Variants in PXYLP1 observed in about 807,000 individuals in gnomAD.
The protein encoded by PXYLP1 is 2-phosphoxylose phosphatase 1, also known as acid phosphatase-like 2.
A neutral mutation model predicts 37.9 loss-of-function variants in PXYLP1; 17 were observed. That is an observed-to-expected ratio of 0.45 (90% CI 0.31 to 0.67). PXYLP1 has a LOEUF of 0.67. Ranked by LOEUF, PXYLP1 falls within the 30% of genes least tolerant of loss-of-function variation. The pLI, the probability that PXYLP1 is intolerant of heterozygous loss-of-function variation, is 0.07. For missense variants in PXYLP1, 511 were observed against 612.0 expected (o/e 0.84, Z 1.74); for synonymous variants, 221 against 232.2 (o/e 0.95, Z 0.44).
intron 2 of PXYLP1, among the ~76,000 whole-genome samples, chr3:141,263,697 T>C (rs1003384078): frequency 2.0e-5 from 3 of 152,208 alleles, no homozygotes; most frequent in African/African-American, 7.2e-5. Flanking sequence ...CAAAATGGTG[T>C]TGTGACAGGA....
Position 141,261,122 on chromosome 3 carries a change from C to A in PXYLP1, c.79+868C>A, listed in dbSNP as rs149201927. Among the ~76,000 whole-genome samples the A allele has an allele frequency of 3.3e-5, 5 of 152,330 alleles. No homozygotes were observed. The East Asian group carries it at 7.7e-4, about 24-fold the overall frequency. ...GGATGCCCTGAATCCTTGAACCTGTCTCCCTCCCTCCTTCCCTTCCTTCCT... is the reference window on the plus strand; with the variant it reads ...GGATGCCCTGAATCCTTGAACCTGTATCCCTCCCTCCTTCCCTTCCTTCCT... On this transcript the variant is annotated intron_variant, in intron 2 of 5. Coordinates refer to ENST00000286353, the MANE Select transcript of PXYLP1 (RefSeq NM_001037172.3).
At chr3:141,273,519 GGTGGGGAGGGAGCCTGC>G in intron 2 of PXYLP1, 1 of 985,498 alleles carries the variant, frequency 1.0e-6, no homozygotes, top group South Asian at 4.7e-5. Flanking sequence ...GGGGAAGGGT[GGTGGGGAGGGAGCCTGC>G]GTGGGATAGC....
At chr3:141,234,080 T>C (rs1225153692) in intron 1 of PXYLP1, 1 of 152,178 alleles carries the variant, frequency 6.6e-6, no homozygotes, top group Non-Finnish European at 1.5e-5. Context: ...CCCCGGTGAA[T>C]TAGTCTGAGT....
intron 4 of PXYLP1, among the ~76,000 whole-genome samples, chr3:141,286,928 C>T (rs1301407156): frequency 6.6e-6 from 1 of 152,180 alleles, no homozygotes; most frequent in Non-Finnish European, 1.5e-5. Context: ...GGGGAGCAGA[C>T]AGCATGTGCA....
At chr3:141,242,582 G>T (rs1273835492) in intron 1 of PXYLP1, among the ~76,000 whole-genome samples, 1 of 152,214 alleles carries the variant, frequency 6.6e-6, no homozygotes, top group African/African-American at 2.4e-5. Context: ...ACAGTGCTGG[G>T]GGGTGGGGTA....
At chr3:141,249,046 A>G (rs1408241659) in intron 1 of PXYLP1, among the ~76,000 whole-genome samples, 1 of 151,716 alleles carries the variant, frequency 6.6e-6, no homozygotes, top group African/African-American at 2.4e-5. Flanking sequence ...ACACTTGGCC[A>G]CCTCCATGGG....
chr3:141,294,007 A>C lies in PXYLP1; in HGVS notation c.*802A>C, dbSNP rs1942295021. On this transcript the variant is annotated 3_prime_UTR_variant, in exon 6 of 6. Transcript: ENST00000286353. ...ACTAGAACAAAACTTGAGGGTAAAT[A>C]AACATTGAATTAGAATGAATCATAG... 6.6e-6 allele frequency: 1 copy of C among 152,256 alleles called. No individual in the cohort carries two copies. The highest frequency in any genetic ancestry group is 2.1e-4 in the South Asian group (1 of 4,834). 9.4% of individuals were successfully genotyped at this position (152,256 alleles called of 1,614,324 possible). A position where few individuals can be genotyped will look rare whatever the true frequency, so the allele number is the denominator to read the frequency against.
chr3:141,265,684 C>T (rs1330116425), intron 2 of PXYLP1, among the ~76,000 whole-genome samples: 1 of 152,156 alleles, frequency 6.6e-6, no homozygotes, highest in African/African-American at 2.4e-5. Context: ...TACCATGGCA[C>T]CCAGGAGTCT....
intron 5 of PXYLP1, 112 bp downstream of exon 5, chr3:141,287,565 G>C: frequency 7.7e-7 from 1 of 1,293,692 alleles, no homozygotes; most frequent in Non-Finnish European, 1.0e-6. Flanking sequence ...GGGTAAGCAA[G>C]GACTGGCTCT....
At chr3:141,250,071 C>A (rs1941107762) in intron 1 of PXYLP1, among the ~76,000 whole-genome samples, 1 of 152,138 alleles carries the variant, frequency 6.6e-6, no homozygotes, top group Middle Eastern at 3.2e-3. Flanking sequence ...GATTATCAGC[C>A]TCAAATCCTT....
chr3:141,238,469 T>C (rs1940711553), intron 1 of PXYLP1, among the ~76,000 whole-genome samples: 2 of 152,352 alleles, frequency 1.3e-5, no homozygotes, highest in Admixed American at 6.5e-5. Flanking sequence ...TGAGCGTGAT[T>C]AGCCCAGCTT....
intron 2 of PXYLP1, among the ~76,000 whole-genome samples, chr3:141,277,056 T>G (rs11921252): frequency 0.29 from 44,587 of 152,006 alleles, 8,556 homozygotes; most frequent in African/African-American, 0.55. Context: ...AGGTGTAGGG[T>G]CTCTTATGGA....
At chr3:141,263,385 G>C (rs1199317189) in intron 2 of PXYLP1, among the ~76,000 whole-genome samples, 1 of 152,164 alleles carries the variant, frequency 6.6e-6, no homozygotes, top group East Asian at 1.9e-4. Context: ...AGTCTTTAAT[G>C]TTTTGTGTTT....
At chr3:141,279,607 G>T (rs1159899681) in intron 4 of PXYLP1, 103 bp downstream of exon 4, 5 of 1,460,480 alleles carry the variant, frequency 3.4e-6, no homozygotes, top group Non-Finnish European at 4.7e-6. Context: ...GTTTGCAGGA[G>T]CCTGAGCTCA....
At chr3:141,276,581 T>C (rs1941801228) in intron 2 of PXYLP1, among the ~76,000 whole-genome samples, 1 of 152,262 alleles carries the variant, frequency 6.6e-6, no homozygotes, top group African/African-American at 2.4e-5. Flanking sequence ...ATTTCCCTTT[T>C]TTGTTATTAC....
chr3:141,263,484 T>TA (rs1941439618), intron 2 of PXYLP1, among the ~76,000 whole-genome samples: 1 of 152,216 alleles, frequency 6.6e-6, no homozygotes, highest in South Asian at 2.1e-4. Context: ...GTAGTTAAAA[T>TA]ACATACAAGT....
intron 4 of PXYLP1, among the ~76,000 whole-genome samples, chr3:141,284,450 A>C (rs1203616623): frequency 6.6e-6 from 1 of 152,204 alleles, no homozygotes; most frequent in Non-Finnish European, 1.5e-5. Flanking sequence ...AATAGGATCT[A>C]ACCAAGTTCT....
At chr3:141,253,136 T>A (rs556373878) in intron 1 of PXYLP1, among the ~76,000 whole-genome samples, 5 of 152,310 alleles carry the variant, frequency 3.3e-5, no homozygotes, top group Non-Finnish European at 5.9e-5. Context: ...TCAGTCAGCT[T>A]AGTGCCCAGA....
chr3:141,274,306 A>T, intron 2 of PXYLP1: 4 of 1,364,200 alleles, frequency 2.9e-6, no homozygotes, highest in Non-Finnish European at 3.8e-6. Context: ...TTCCTCCTGG[A>T]GCCCGGCCTG....
Sources: gnomAD v4.1 joint callset for allele counts (sites outside exome capture counted in the v4.1 genomes callset) on GRCh38, gnomAD v4.1.1 for gene constraint, MANE v1.5 for transcripts, NCBI Gene and HGNC (gene_info 2026-07-23, HGNC 2026-07-21) for gene names.